The following FCHSD2 variants were observed in gnomAD, a reference collection of about 807,000 sequenced individuals.
The protein encoded by FCHSD2 is FCH and double SH3 domains 2, also known as F-BAR and double SH3 domains protein 2.
In FCHSD2, 38 loss-of-function variants were observed where a neutral mutation model predicts 108.1. That is an observed-to-expected ratio of 0.35 (90% CI 0.27 to 0.46). The LOEUF (loss-of-function observed/expected upper bound fraction) is 0.46. Among genes scored for constraint, FCHSD2 ranks in the 20% least tolerant of loss-of-function variants. The pLI, the probability that FCHSD2 is intolerant of heterozygous loss-of-function variation, is 1.00. For synonymous variants in FCHSD2, 279 were observed against 314.7 expected, an observed-to-expected ratio of 0.89 and a Z score of 1.20; for missense variants, 751 against 897.8, an observed-to-expected ratio of 0.84 and a Z score of 2.09.
chr11:72,955,586 C>T lies in FCHSD2; in HGVS notation c.705+28502G>A, dbSNP rs559199319. 3.9e-5 allele frequency among the ~76,000 whole-genome samples: 6 copies of T among 152,232 alleles called. No individual in the cohort carries two copies. The South Asian group carries it at 6.2e-4, about 16-fold the overall frequency. ...AATCATGTTTGGATCCCTTGGCAAC[C>T]AGCCCCCATCCTGACGCTATTCAGG... On this transcript the variant is annotated intron_variant, in intron 8 of 19. Transcript: ENST00000409418.
intron 3 of FCHSD2, among the ~76,000 whole-genome samples, chr11:73,035,696 TTTTATTTATTTATTTA>T (rs35623691): frequency 1.6e-5 from 2 of 125,838 alleles, no homozygotes; most frequent in African/African-American, 2.8e-5. Context: ...AATGTTCAGT[TTTTATTTATTTATTTA>T]TTTATTTATT....
intron 12 of FCHSD2, among the ~76,000 whole-genome samples, chr11:72,883,998 T>A (rs980654747): frequency 1.3e-5 from 2 of 151,894 alleles, no homozygotes; most frequent in Admixed American, 1.3e-4. Context: ...AAATACCCAT[T>A]CACCACCACT....
At chr11:73,084,540 A>T (rs922391492) in intron 2 of FCHSD2, among the ~76,000 whole-genome samples, 2 of 152,096 alleles carry the variant, frequency 1.3e-5, no homozygotes, top group Admixed American at 1.3e-4. Context: ...ACAGGTGCAC[A>T]CCACCACATC....
intron 4 of FCHSD2, among the ~76,000 whole-genome samples, chr11:73,006,445 T>G (rs918497278): frequency 5.3e-5 from 8 of 152,226 alleles, no homozygotes; most frequent in African/African-American, 1.2e-4. Context: ...ATTCCTCATT[T>G]GTCTATCATA....
rs972172499 is a variant in FCHSD2 at position 72,942,282 on chromosome 11, C to A, written c.706-20332G>T. 2.0e-5 allele frequency among the ~76,000 whole-genome samples: 3 copies of A among 152,338 alleles called. No individual in the cohort carries two copies. The South Asian group carries it at 6.2e-4, about 32-fold the overall frequency. On this transcript the variant is annotated intron_variant, in intron 8 of 19. Transcript: ENST00000409418. ...TGCAGGCTTCCACTTTGCCTTCTGC[C>A]ATGATTGTAAGTTTCCTGAGGCCTC...
intron 13 of FCHSD2, among the ~76,000 whole-genome samples, chr11:72,864,942 A>C (rs1435433224): frequency 1.3e-5 from 2 of 152,186 alleles, no homozygotes; most frequent in Non-Finnish European, 2.9e-5. Context: ...CTTTAAAAAC[A>C]ACGTTGCTAT....
chr11:73,021,947 C>T (rs1858119404), intron 3 of FCHSD2, among the ~76,000 whole-genome samples: 1 of 151,840 alleles, frequency 6.6e-6, no homozygotes, highest in East Asian at 1.9e-4. Context: ...TGGTGCACAC[C>T]TGTGGTCTTA....
intron 8 of FCHSD2, among the ~76,000 whole-genome samples, chr11:72,962,602 T>C (rs181030563): frequency 2.7e-3 from 7 of 2,600 alleles, no homozygotes; most frequent in African/African-American, 3.0e-3. Context: ...AAATTCCCCC[T>C]TTTTTTTTTA....
chr11:72,864,531 G>A (rs988964934), intron 13 of FCHSD2, among the ~76,000 whole-genome samples: 1 of 152,098 alleles, frequency 6.6e-6, no homozygotes, highest in Non-Finnish European at 1.5e-5. Flanking sequence ...GGGCGATAGA[G>A]GGAGACCATC....
At chr11:72,849,372 AAAAT>A (rs1861226638) in intron 14 of FCHSD2, among the ~76,000 whole-genome samples, 1 of 152,246 alleles carries the variant, frequency 6.6e-6, no homozygotes, top group African/African-American at 2.4e-5. Flanking sequence ...AAGAAATATG[AAAAT>A]AAATAAGATT....
intron 12 of FCHSD2, among the ~76,000 whole-genome samples, chr11:72,884,109 T>G (rs1392514353): frequency 2.6e-5 from 4 of 152,048 alleles, no homozygotes; most frequent in Admixed American, 2.6e-4. Context: ...TTAGTATCAT[T>G]AATAGCAGGA....
chr11:72,947,985 T>C (rs754550882), intron 8 of FCHSD2, among the ~76,000 whole-genome samples: 5 of 152,170 alleles, frequency 3.3e-5, no homozygotes, highest in Non-Finnish European at 5.9e-5. Flanking sequence ...ATCGTTTGGG[T>C]ATCATACATT....
At chr11:72,980,551 C>T (rs78984730) in intron 8 of FCHSD2, among the ~76,000 whole-genome samples, 118 of 151,750 alleles carry the variant, frequency 7.8e-4, no homozygotes, top group African/African-American at 2.7e-3. Flanking sequence ...AGGATAATGC[C>T]AAGGCAATAT....
At chr11:73,003,180 C>T (rs1468331115) in intron 4 of FCHSD2, among the ~76,000 whole-genome samples, 3 of 152,262 alleles carry the variant, frequency 2.0e-5, no homozygotes, top group Admixed American at 6.5e-5. Flanking sequence ...GTCAGAAGAC[C>T]TAAGTTCAAG....
At chr11:73,112,591 C>T (rs992384820) in intron 2 of FCHSD2, among the ~76,000 whole-genome samples, 3 of 152,142 alleles carry the variant, frequency 2.0e-5, no homozygotes, top group African/African-American at 4.8e-5. Context: ...ACTCTGATCT[C>T]TCTCCCTGCC....
chr11:73,031,416 C>A (rs745959636), intron 3 of FCHSD2, among the ~76,000 whole-genome samples: 91 of 151,778 alleles, frequency 6.0e-4, no homozygotes, highest in Non-Finnish European at 1.2e-3. Context: ...GTGGAGGCTG[C>A]ATTGAGTTGT....
intron 14 of FCHSD2, among the ~76,000 whole-genome samples, chr11:72,846,266 T>C (rs1861139855): frequency 6.6e-6 from 1 of 151,112 alleles, no homozygotes; most frequent in Non-Finnish European, 1.5e-5. Context: ...CTGCAACCTC[T>C]GCCTCCCAGG....
chr11:72,935,831 T>TAAATTAA (rs1856288746), intron 8 of FCHSD2, among the ~76,000 whole-genome samples: 1 of 152,210 alleles, frequency 6.6e-6, no homozygotes, highest in Non-Finnish European at 1.5e-5. Context: ...GAAGTTTATG[T>TAAATTAA]CTGTAAATTA....
At chr11:73,097,357 T>G (rs1003429783) in intron 2 of FCHSD2, among the ~76,000 whole-genome samples, 1 of 151,506 alleles carries the variant, frequency 6.6e-6, no homozygotes, top group African/African-American at 2.4e-5. Context: ...TTCCTAGGTT[T>G]GTTTGTTTGG....
Sources: allele counts gnomAD v4.1 joint callset (sites outside exome capture counted in the v4.1 genomes callset), GRCh38; gene constraint gnomAD v4.1.1; transcripts MANE v1.5; gene names NCBI Gene and HGNC (gene_info 2026-07-23, HGNC 2026-07-21).